Variants in DAB1 observed in about 807,000 individuals in gnomAD.
DAB1 encodes disabled homolog 1.
Under a neutral mutation model 64.6 loss-of-function variants are expected in DAB1, and 15 were observed. That is an observed-to-expected ratio of 0.23 (90% CI 0.16 to 0.36). DAB1 has a LOEUF of 0.36. DAB1 is among the 10% of genes least tolerant of loss of function. DAB1 has a pLI of 1.00. For missense variants in DAB1, 596 were observed against 706.7 expected (o/e 0.84, Z 1.78); for synonymous variants, 235 against 251.9 (o/e 0.93, Z 0.64).
chr1:57,994,526 G>A (rs1486288143), intron 5 of DAB1, among the ~76,000 whole-genome samples: 1 of 152,182 alleles, frequency 6.6e-6, no homozygotes, highest in African/African-American at 2.4e-5. Context: ...TCTGGGAGTT[G>A]GGGAACAAGG....
At chr1:58,434,389 G>A (rs116768333) in intron 3 of DAB1, among the ~76,000 whole-genome samples, 1,537 of 148,872 alleles carry the variant, frequency 0.01, 28 homozygotes, top group African/African-American at 0.037. Flanking sequence ...TCCTGAGGGC[G>A]TGGATGTAGG....
intron 3 of DAB1, among the ~76,000 whole-genome samples, chr1:58,382,576 G>A (rs1315308774): frequency 2.6e-5 from 4 of 152,150 alleles, no homozygotes; most frequent in Non-Finnish European, 5.9e-5. Flanking sequence ...CAGAAAGTAC[G>A]GGAATATTCC....
chr1:57,715,357 A>G (rs1647072197), intron 6 of DAB1, among the ~76,000 whole-genome samples: 1 of 152,204 alleles, frequency 6.6e-6, no homozygotes, highest in South Asian at 2.1e-4. Context: ...CTTTTCCTCT[A>G]ATATCTGGAA....
At chr1:57,566,799 A>G (rs1186013453) in intron 7 of DAB1, among the ~76,000 whole-genome samples, 2 of 152,048 alleles carry the variant, frequency 1.3e-5, no homozygotes, top group African/African-American at 2.4e-5. Context: ...CTACCAACCA[A>G]AAAAAGTCCA....
chr1:57,534,221 T>C (rs942203702), intron 7 of DAB1, among the ~76,000 whole-genome samples: 1 of 152,162 alleles, frequency 6.6e-6, no homozygotes, highest in Non-Finnish European at 1.5e-5. Flanking sequence ...GGCTCTGCAC[T>C]GAAAATTACT....
chr1:57,900,544 G>C (rs879495357), intron 5 of DAB1, among the ~76,000 whole-genome samples: 12 of 152,306 alleles, frequency 7.9e-5, no homozygotes, highest in Non-Finnish European at 1.0e-4. Context: ...CTGAGCAAGC[G>C]AGACTATAGG....
rs1304023359 is a variant in DAB1, at chr1:57,004,362, A to T, written c.*16-6234T>A. ...ATTTCTTGTATTTGTTTTTGGAAAG[A>T]TTGACTACCTTTGACAAAAGTATGT... On this transcript the variant is annotated intron_variant, in intron 14 of 14. Coordinates refer to ENST00000371236, the MANE Select transcript of DAB1 (RefSeq NM_001365792.1). Among the ~76,000 whole-genome samples the T allele has an allele frequency of 2.0e-5, 3 of 152,368 alleles. No individual in the cohort carries two copies. The East Asian group carries it at 5.8e-4, about 29-fold the overall frequency.
intron 6 of DAB1, among the ~76,000 whole-genome samples, chr1:57,785,878 C>A (rs1056736004): frequency 6.6e-6 from 1 of 152,176 alleles, no homozygotes; most frequent in Non-Finnish European, 1.5e-5. Context: ...GAAAGAAGTT[C>A]TGCGGATAAA....
At chr1:57,268,386 T>C (rs1015965315) in intron 2 of DAB1, among the ~76,000 whole-genome samples, 3 of 152,136 alleles carry the variant, frequency 2.0e-5, no homozygotes, top group Non-Finnish European at 4.4e-5. Context: ...TAAAGTGGGC[T>C]TCCAATGTGG....
chr1:57,664,858 T>G (rs1016324104), intron 6 of DAB1, among the ~76,000 whole-genome samples: 2 of 152,054 alleles, frequency 1.3e-5, no homozygotes, highest in African/African-American at 4.8e-5. Context: ...GAGCCTACTT[T>G]TGTAAAAAGT....
At chr1:58,331,653 A>AAATC (rs1377252735) in intron 4 of DAB1, among the ~76,000 whole-genome samples, 1 of 152,224 alleles carries the variant, frequency 6.6e-6, no homozygotes, top group East Asian at 1.9e-4. Context: ...AAGACCCTCC[A>AAATC]CTAGCAAAAA....
chr1:57,962,614 A>G (rs7536398), intron 5 of DAB1, among the ~76,000 whole-genome samples: 130,427 of 152,136 alleles, frequency 0.86, 56,528 homozygotes, highest in South Asian at 0.93. Context: ...GCTTGCACCT[A>G]TAATCCTGGC....
At chr1:57,056,637 G>C (rs948100482) in intron 9 of DAB1, among the ~76,000 whole-genome samples, 6 of 152,092 alleles carry the variant, frequency 3.9e-5, no homozygotes, top group Non-Finnish European at 7.4e-5. Context: ...GACTGAGGCA[G>C]GTGGATCACC....
intron 1 of DAB1, among the ~76,000 whole-genome samples, chr1:57,354,538 G>C (rs1398459424): frequency 2.0e-5 from 3 of 152,182 alleles, no homozygotes; most frequent in African/African-American, 7.2e-5. Context: ...TTGAGGGTGG[G>C]GGGTTAGGAT....
At chr1:57,387,829 A>AG (rs1482688073) in intron 1 of DAB1, among the ~76,000 whole-genome samples, 3 of 151,804 alleles carry the variant, frequency 2.0e-5, no homozygotes. Flanking sequence ...CTCAAAAAAA[A>AG]AAAAAAAAAA....
chr1:57,725,877 A>T (rs1278441837), intron 6 of DAB1, among the ~76,000 whole-genome samples: 3 of 151,954 alleles, frequency 2.0e-5, no homozygotes, highest in African/African-American at 7.3e-5. Context: ...TCAGGCTTCC[A>T]AGTAGCTGGG....
At chr1:57,816,932 G>A (rs941108136) in intron 6 of DAB1, among the ~76,000 whole-genome samples, 1 of 152,162 alleles carries the variant, frequency 6.6e-6, no homozygotes, top group African/African-American at 2.4e-5. Flanking sequence ...CTTGTGCAAT[G>A]GCATGTCCCC....
At chr1:57,404,369 A>G (rs1325676921) in intron 1 of DAB1, among the ~76,000 whole-genome samples, 3 of 152,234 alleles carry the variant, frequency 2.0e-5, no homozygotes, top group Non-Finnish European at 1.5e-5. Context: ...GCTTAATGCA[A>G]TATCTGTTTT....
At chr1:57,439,000 C>A (rs954028872) in intron 7 of DAB1, among the ~76,000 whole-genome samples, 1 of 152,160 alleles carries the variant, frequency 6.6e-6, no homozygotes, top group South Asian at 2.1e-4. Flanking sequence ...GAGCATGTGA[C>A]CCAAGCTAAG....
Sources: allele counts gnomAD v4.1 joint callset (sites outside exome capture counted in the v4.1 genomes callset), GRCh38; gene constraint gnomAD v4.1.1; transcripts MANE v1.5; gene names NCBI Gene and HGNC (gene_info 2026-07-23, HGNC 2026-07-21).